MAP3K15: variants seen among roughly 807,000 people sequenced by gnomAD.
The protein encoded by MAP3K15 is mitogen-activated protein kinase kinase kinase 15.
Under a neutral mutation model 99.5 loss-of-function variants are expected in MAP3K15, and 124 were observed. That is an observed-to-expected ratio of 1.25 (90% CI 1.08 to 1.45). The LOEUF (loss-of-function observed/expected upper bound fraction) is 1.45, where lower values mean the gene tolerates loss of function less well. MAP3K15 is among the 40% of genes most tolerant of loss of function. MAP3K15 has a pLI of 0.00. For missense variants in MAP3K15, 1,242 were observed against 1,079.7 expected, an observed-to-expected ratio of 1.15 and a Z score of -2.11; for synonymous variants, 494 against 439.6, an observed-to-expected ratio of 1.12 and a Z score of -1.55.
intron 6 of MAP3K15, among the ~76,000 whole-genome samples, chrX:19,432,801 C>T (rs1270486675): frequency 9.2e-6 from 1 of 108,210 alleles, no homozygotes; most frequent in Non-Finnish European, 1.9e-5. Flanking sequence ...TTGCAACCTC[C>T]ACCTCCTGAG....
chrX:19,442,912 C>T (rs1482878737), intron 6 of MAP3K15, among the ~76,000 whole-genome samples: 6 of 102,469 alleles, frequency 5.9e-5, no homozygotes, highest in South Asian at 4.7e-4. Context: ...TTAGTAGAGA[C>T]GGGGTTTCAC....
intron 1 of MAP3K15, among the ~76,000 whole-genome samples, chrX:19,495,283 ATTACAGGCATGAG>A (rs1449946687): frequency 8.9e-6 from 1 of 112,313 alleles, no homozygotes. Context: ...AAGTGCTGGG[ATTACAGGCATGAG>A]CCACCGCACC....
At chrX:19,426,081 C>A in intron 8 of MAP3K15, 150 bp downstream of exon 8, 1 of 341,213 alleles carries the variant, frequency 2.9e-6, no homozygotes, top group Non-Finnish European at 5.0e-6. Context: ...AAGATCACAC[C>A]ACTACACTCC....
chrX:19,416,700 G>A (rs987944956), intron 9 of MAP3K15, among the ~76,000 whole-genome samples: 19 of 112,195 alleles, frequency 1.7e-4, no homozygotes, highest in Admixed American at 5.7e-4. Flanking sequence ...TCATGAAGCC[G>A]TCACTGCAGT....
rs551028376 is a variant in MAP3K15 at position 19,379,510 on chromosome X, C to T, written c.2589+610G>A. ...TCACCCAGGCGGGACTGCAGTGGTG[C>T]AATCTCGGCTCACTGCAACCTCTGC... On this transcript the variant is annotated intron_variant, in intron 19 of 28. Transcript: ENST00000338883. Among the ~76,000 whole-genome samples, 3 of 91,012 alleles carry T rather than the reference C, an allele frequency of 3.3e-5. No individual in the cohort carries two copies. In the South Asian group the frequency reaches 1.8e-3, roughly 54 times the overall value. The allele number at this position is 91,012 out of a possible 115,157, so 79.0% of individuals were successfully genotyped here.
intron 16 of MAP3K15, among the ~76,000 whole-genome samples, chrX:19,394,584 A>G (rs1042007294): frequency 2.7e-5 from 3 of 110,872 alleles, no homozygotes; most frequent in South Asian, 3.8e-4. Context: ...CACTTTTAAC[A>G]TCTATGTTCC....
intron 4 of MAP3K15, among the ~76,000 whole-genome samples, chrX:19,460,899 C>T (rs181755485): frequency 6.3e-4 from 69 of 109,561 alleles, no homozygotes; most frequent in African/African-American, 2.2e-3. Context: ...CTCAGCCTCC[C>T]AAGTAGCTGG....
chrX:19,413,681 G>C (rs979933946), intron 10 of MAP3K15, among the ~76,000 whole-genome samples: 1 of 61,677 alleles, frequency 1.6e-5, no homozygotes, highest in Admixed American at 2.3e-4. Context: ...ATCTCTTGGG[G>C]GGGGGGGTGG....
At chrX:19,448,646 G>A (rs1165532789) in intron 6 of MAP3K15, among the ~76,000 whole-genome samples, 1 of 109,289 alleles carries the variant, frequency 9.2e-6, no homozygotes, top group East Asian at 2.8e-4. Context: ...TTGATGTCAG[G>A]TATGGAAAAA....
At chrX:19,394,160 T>G (rs1207846694) in intron 16 of MAP3K15, among the ~76,000 whole-genome samples, 1 of 111,454 alleles carries the variant, frequency 9.0e-6, no homozygotes. Context: ...TGAATGAAGA[T>G]TTCTAACTGA....
intron 1 of MAP3K15, among the ~76,000 whole-genome samples, chrX:19,491,485 G>C (rs1357531249): frequency 9.1e-6 from 1 of 109,709 alleles, no homozygotes; most frequent in Non-Finnish European, 1.9e-5. Context: ...AATGGGATGA[G>C]GATATGGGGG....
chrX:19,470,107 T>C lies in MAP3K15; in HGVS notation c.526-5701A>G, dbSNP rs188547542. Among the ~76,000 whole-genome samples, 37 of 111,917 alleles carry C rather than the reference T, an allele frequency of 3.3e-4. 1 individual carries two copies. In the East Asian group the frequency reaches 4.2e-3, roughly 13 times the overall value. On this transcript the variant is annotated intron_variant, in intron 3 of 28. Coordinates refer to ENST00000338883, the MANE Select transcript of MAP3K15 (RefSeq NM_001001671.4). The stretch of plus-strand genomic sequence containing the variant: ...CTATAAAGACACATGCACATGTATG[T>C]TTATTGCGGCACTATTCACAATAGC...
At chrX:19,443,021 G>GC (rs2063970904) in intron 6 of MAP3K15, among the ~76,000 whole-genome samples, 1 of 11,736 alleles carries the variant, frequency 8.5e-5, no homozygotes, top group African/African-American at 2.3e-4. Flanking sequence ...ACCATGCCCG[G>GC]CTTTTTTTTT....
At chrX:19,445,031 G>A (rs1197814520) in intron 6 of MAP3K15, among the ~76,000 whole-genome samples, 3 of 110,821 alleles carry the variant, frequency 2.7e-5, no homozygotes, top group Non-Finnish European at 5.7e-5. Context: ...TCTATATGTT[G>A]TTCTATAGAG....
intron 26 of MAP3K15, 131 bp from the exon 27 acceptor site, chrX:19,361,724 G>T: frequency 2.2e-6 from 1 of 464,315 alleles, no homozygotes. Context: ...CTGTATCACT[G>T]AACCACGCTA....
In MAP3K15 at chrX:19,360,853, G is replaced by A; in HGVS notation, c.3858-20C>T. ...CCACCCCTGGGAAACAAACACAGCT[G>A]TCTTCAGAGTCAGTGCTTCAAGCCA... On this transcript the variant is annotated intron_variant, in intron 28 of 28. Transcript: ENST00000338883. 1 of 1,132,751 alleles carries A rather than the reference G, an allele frequency of 8.8e-7. No individual in the cohort carries two copies. Among genetic ancestry groups the A allele is most frequent in the Non-Finnish European group, 1.2e-6 (1 of 836,408 alleles). The allele number at this position is 1,132,751 out of a possible 1,213,427, so 93.4% of individuals were successfully genotyped here.
chrX:19,446,084 T>A (rs1368083372), intron 6 of MAP3K15, among the ~76,000 whole-genome samples: 1 of 112,245 alleles, frequency 8.9e-6, no homozygotes, highest in African/African-American at 3.2e-5. Flanking sequence ...TGAAATAAAC[T>A]GTATGTGTGC....
chrX:19,505,665 G>C (rs988508614), intron 1 of MAP3K15, among the ~76,000 whole-genome samples: 5 of 111,295 alleles, frequency 4.5e-5, no homozygotes, highest in Non-Finnish European at 9.4e-5. Flanking sequence ...ATGGTAGTAA[G>C]GATGAGTCTA....
intron 18 of MAP3K15, among the ~76,000 whole-genome samples, chrX:19,388,725 A>G (rs1470979036): frequency 3.6e-5 from 4 of 111,921 alleles, no homozygotes; most frequent in Non-Finnish European, 7.5e-5. Flanking sequence ...TTGGGCCAGG[A>G]TTTGAACCAA....
Sources: gnomAD v4.1 joint callset for allele counts (sites outside exome capture counted in the v4.1 genomes callset) on GRCh38, gnomAD v4.1.1 for gene constraint, MANE v1.5 for transcripts, NCBI Gene and HGNC (gene_info 2026-07-23, HGNC 2026-07-21) for gene names.